GXYLT1: variants seen among roughly 807,000 people sequenced by gnomAD.
GXYLT1 encodes glucoside xylosyltransferase 1.
GXYLT1 carries 29 observed loss-of-function variants against 54.0 expected under a neutral mutation model. The observed-to-expected ratio is 0.54, with a 90% confidence interval of 0.40 to 0.73. The LOEUF (loss-of-function observed/expected upper bound fraction) is 0.73, where lower values mean the gene tolerates loss of function less well. GXYLT1 is among the 30% of genes least tolerant of loss of function. The pLI, the probability that GXYLT1 is intolerant of heterozygous loss-of-function variation, is 0.00. For synonymous variants in GXYLT1, 176 were observed against 204.1 expected (o/e 0.86, Z 1.17); for missense variants, 490 against 553.4 (o/e 0.89, Z 1.15).
intron 5 of GXYLT1, 44 bp downstream of exon 5, chr12:42,105,774 G>A: frequency 1.3e-6 from 2 of 1,496,264 alleles, no homozygotes; most frequent in South Asian, 1.3e-5. Flanking sequence ...CAATTTAGAA[G>A]GTTTTTAGAG....
At chr12:42,091,303 A>G (rs2065327820) in intron 7 of GXYLT1, among the ~76,000 whole-genome samples, 1 of 152,144 alleles carries the variant, frequency 6.6e-6, no homozygotes, top group Admixed American at 6.5e-5. Flanking sequence ...TTAAAAAAAA[A>G]TCAAGTGTAA....
At position 42,119,159 on chromosome 12, in the gene GXYLT1, T is replaced by C; in HGVS notation, c.327A>G (p.Lys109=). The C allele has an allele frequency of 6.2e-7, 1 of 1,613,668 alleles. No individual in the cohort carries two copies. Among genetic ancestry groups the C allele is most frequent in the Non-Finnish European group, 8.5e-7 (1 of 1,179,586 alleles). Residue 109 remains lysine (K), a synonymous_variant, in exon 3 of 8, where the codon AAA becomes AAG. Coordinates refer to ENST00000398675, the MANE Select transcript of GXYLT1 (RefSeq NM_173601.2). The part of the protein sequence containing the change: ...FWEAAFRYSL[K]IQPVEKMHLA... Reference sequence around the variant, plus strand: ...GATGCATTTTCTCAACAGGCTGTATTTTCAGACTGTACCTAATAGGAAAGA... The same window carrying C: ...GATGCATTTTCTCAACAGGCTGTATCTTCAGACTGTACCTAATAGGAAAGA...
intron 5 of GXYLT1, among the ~76,000 whole-genome samples, chr12:42,101,191 TACATATAAA>T (rs1200384342): frequency 1.3e-5 from 2 of 152,018 alleles, no homozygotes; most frequent in Non-Finnish European, 2.9e-5. Flanking sequence ...AAAGAGGTAT[TACATATAAA>T]AGGAGTTCAA....
chr12:42,098,413 C>G (rs1484462947), intron 5 of GXYLT1, among the ~76,000 whole-genome samples: 1 of 150,580 alleles, frequency 6.6e-6, no homozygotes, highest in East Asian at 2.0e-4. Context: ...GGTAAATATT[C>G]AGTGTTAGCT....
At position 42,144,469 on chromosome 12, in the gene GXYLT1, C is replaced by A. The variant is rs769089292; in HGVS notation, c.178G>T (p.Ala60Ser). 3.0e-5 allele frequency: 39 copies of A among 1,297,536 alleles called. No homozygotes were observed. Among genetic ancestry groups the A allele is most frequent in the Non-Finnish European group, 3.5e-5 (36 of 1,020,922 alleles). 80.4% of individuals were successfully genotyped at this position (1,297,536 alleles called of 1,614,324 possible). A position where few individuals can be genotyped will look rare whatever the true frequency, so the allele number is the denominator to read the frequency against. The change falls in exon 1 of 8, where the codon GCC becomes TCC. Residue 60 changes from alanine to serine, a missense_variant. Ala to Ser is a moderately conservative substitution (Grantham distance 99, BLOSUM62 1). Around this residue, in one of 2 missense-constraint regions of GXYLT1, gnomAD observed 148 missense variants for 210.7 expected, o/e 0.70. Transcript: ENST00000398675. ...TGCGCTGCGGGGCCCGCGACGCCGG[C>A]GCCTCTCACGGCGCCGCGTCCGCCG... ...AGGGRGAVRG[A>S]GVAGPAAHPG...
At chr12:42,108,325 T>C (rs572149551) in intron 4 of GXYLT1, among the ~76,000 whole-genome samples, 19 of 152,330 alleles carry the variant, frequency 1.2e-4, no homozygotes, top group South Asian at 1.2e-3. Flanking sequence ...TCATCTCTTA[T>C]TGTTTTTTCA....
chr12:42,102,764 T>C (rs752091783), intron 5 of GXYLT1, among the ~76,000 whole-genome samples: 1 of 152,066 alleles, frequency 6.6e-6, no homozygotes, highest in Admixed American at 6.6e-5. Context: ...AATACCCTAA[T>C]AGGGATTCAA....
intron 1 of GXYLT1, among the ~76,000 whole-genome samples, chr12:42,130,150 T>C (rs1299764546): frequency 6.6e-6 from 1 of 152,170 alleles, no homozygotes; most frequent in African/African-American, 2.4e-5. Flanking sequence ...AAATATGTCT[T>C]CTAAAATTTT....
intron 3 of GXYLT1, among the ~76,000 whole-genome samples, chr12:42,115,204 C>G (rs1363323464): frequency 6.6e-6 from 1 of 152,088 alleles, no homozygotes; most frequent in African/African-American, 2.4e-5. Flanking sequence ...GGAAGCATTC[C>G]CTTTGAAACC....
chr12:42,104,298 A>G (rs117357852), intron 5 of GXYLT1, among the ~76,000 whole-genome samples: 1,888 of 150,900 alleles, frequency 0.013, 130 homozygotes, highest in Admixed American at 0.11. Context: ...ATCTTCTGGT[A>G]TAAGATCACT....
At chr12:42,088,510 G>A (rs540756661) in intron 7 of GXYLT1, among the ~76,000 whole-genome samples, 27 of 152,164 alleles carry the variant, frequency 1.8e-4, no homozygotes, top group African/African-American at 6.5e-4. Flanking sequence ...GACTAGCACA[G>A]GAAAAAGTCT....
intron 7 of GXYLT1, among the ~76,000 whole-genome samples, chr12:42,088,259 G>T (rs1479311424): frequency 2.0e-5 from 3 of 151,394 alleles, no homozygotes; most frequent in Non-Finnish European, 4.4e-5. Flanking sequence ...ATAAAAGGTG[G>T]ACTGGCTAAA....
intron 3 of GXYLT1, among the ~76,000 whole-genome samples, chr12:42,112,640 G>A (rs2065465624): frequency 1.3e-5 from 2 of 152,200 alleles, no homozygotes; most frequent in Non-Finnish European, 2.9e-5. Flanking sequence ...ATGGGACCAT[G>A]TGAAAAGACC....
intron 1 of GXYLT1, among the ~76,000 whole-genome samples, chr12:42,131,427 C>T (rs968746824): frequency 1.3e-5 from 2 of 152,162 alleles, no homozygotes; most frequent in Non-Finnish European, 1.5e-5. Flanking sequence ...GTAGAGGGTG[C>T]CACACAAGAC....
intron 1 of GXYLT1, among the ~76,000 whole-genome samples, chr12:42,137,600 A>G (rs573727633): frequency 6.6e-6 from 1 of 151,760 alleles, no homozygotes; most frequent in East Asian, 1.9e-4. Flanking sequence ...TACTAAAAAT[A>G]CAAAAAATTA....
chr12:42,097,816 T>C, intron 6 of GXYLT1, 94 bp downstream of exon 6: 1 of 1,080,394 alleles, frequency 9.3e-7, no homozygotes, highest in South Asian at 1.5e-5. Context: ...TAATCATTAA[T>C]ATAAGACAGA....
chr12:42,114,600 T>C lies in GXYLT1; in HGVS notation c.486+4400A>G, dbSNP rs151134524. Among the ~76,000 whole-genome samples the C allele has an allele frequency of 5.9e-3, 894 of 152,242 alleles. 18 individuals carry two copies. The highest frequency in any genetic ancestry group is 0.03 in the East Asian group (153 of 5,176). Reference sequence around the variant, plus strand: ...ACCAGGAAGAAGTTGAATCTCTGAATAGACCAACAACAGGCTCTGAAATTG... The same window carrying C: ...ACCAGGAAGAAGTTGAATCTCTGAACAGACCAACAACAGGCTCTGAAATTG... On this transcript the variant is annotated intron_variant, in intron 3 of 7. Transcript: ENST00000398675.
At position 42,102,256 on chromosome 12, in the gene GXYLT1, C is replaced by G. The variant is rs142097852; in HGVS notation, c.864+3562G>C. On this transcript the variant is annotated intron_variant, in intron 5 of 7. Transcript: ENST00000398675. ...AAAAAAGTGGGAACTCATCAATTCC[C>G]AAAGATTAGTTACTTCACTTTAAAA... Among the ~76,000 whole-genome samples, 38 of 152,286 alleles carry G rather than the reference C, an allele frequency of 2.5e-4. No individual in the cohort carries two copies. In the East Asian group the frequency reaches 7.3e-3, roughly 29 times the overall value.
chr12:42,087,704 G>T lies in GXYLT1; in HGVS notation c.*82C>A, dbSNP rs1592098059. ...TTCTGGAGATGAGTAATTCCTTCCT[G>T]AATACTTCATCCAAGACGATTCCTT... On this transcript the variant is annotated 3_prime_UTR_variant, in exon 8 of 8. Coordinates refer to ENST00000398675, the MANE Select transcript of GXYLT1 (RefSeq NM_173601.2). 2 of 1,007,284 alleles carry T rather than the reference G, an allele frequency of 2.0e-6. No homozygotes were observed. The highest frequency in any genetic ancestry group is 1.7e-5 in the South Asian group (1 of 60,374). 62.4% of individuals were successfully genotyped at this position (1,007,284 alleles called of 1,614,324 possible).
Sources: allele counts gnomAD v4.1 joint callset (sites outside exome capture counted in the v4.1 genomes callset), GRCh38; gene constraint gnomAD v4.1.1; regional missense constraint gnomAD v4.1.1; transcripts MANE v1.5; gene names NCBI Gene and HGNC (gene_info 2026-07-23, HGNC 2026-07-21).